Variants in LIPK observed in about 807,000 individuals in gnomAD.
The protein encoded by LIPK is lipase member K.
LIPK carries 32 observed loss-of-function variants against 48.6 expected under a neutral mutation model. That is an observed-to-expected ratio of 0.66 (90% CI 0.50 to 0.88). The LOEUF (loss-of-function observed/expected upper bound fraction) is 0.88. Ranked by LOEUF, LIPK falls within the 40% of genes least tolerant of loss-of-function variation. The pLI, the probability that LIPK is intolerant of heterozygous loss-of-function variation, is 0.00. For synonymous variants in LIPK, 164 were observed against 157.4 expected, an observed-to-expected ratio of 1.04 and a Z score of -0.32; for missense variants, 507 against 478.5, an observed-to-expected ratio of 1.06 and a Z score of -0.56.
Position 88,731,163 on chromosome 10 carries a change from C to T in LIPK, c.404C>T (p.Pro135Leu), listed in dbSNP as rs762625179. The T allele has an allele frequency of 1.5e-5, 23 of 1,577,028 alleles. No individual in the cohort carries two copies. Among genetic ancestry groups the T allele is most frequent in the East Asian group, 9.1e-5 (4 of 43,970 alleles). Residue 135 changes from proline (P) to leucine (L), a missense_variant, in exon 4 of 10, where the codon CCG becomes CTG. Pro to Leu is a moderately conservative substitution (Grantham distance 98). Coordinates refer to ENST00000404190, the MANE Select transcript of LIPK (RefSeq NM_001080518.2). ...CACCTTAAATTGTCACCGAAATCAC[C>T]GGAATACTGGGCCTTCAGGTAAAGA... is the stretch of plus-strand genomic sequence containing the variant. ...RKHLKLSPKS[P>L]EYWAFSLDEM...
At position 88,732,482 on chromosome 10, in the gene LIPK, A is replaced by T; in HGVS notation, c.600A>T (p.Pro200=). The change falls in exon 6 of 10, where the codon CCA becomes CCT. Residue 200 remains proline (P), a synonymous_variant. Coordinates refer to ENST00000404190, the MANE Select transcript of LIPK (RefSeq NM_001080518.2). ...KKIKIFFALA[P]VVTVKYTQSP... is the part of the protein sequence containing the mutation. Reference sequence around the variant, plus strand: ...TTAAGATATTTTTTGCACTGGCTCCAGTTGTCACAGTTAAATACACCCAAA... The same window carrying T: ...TTAAGATATTTTTTGCACTGGCTCCTGTTGTCACAGTTAAATACACCCAAA... The T allele has an allele frequency of 6.2e-7, 1 of 1,613,836 alleles. No individual in the cohort carries two copies. Among genetic ancestry groups the T allele is most frequent in the Non-Finnish European group, 8.5e-7 (1 of 1,179,790 alleles).
rs73350791 is a variant in LIPK at position 88,716,058 on chromosome 10, T to C, written c.-11-8475T>C. 7.0e-3 allele frequency among the ~76,000 whole-genome samples: 1,065 copies of C among 152,210 alleles called. 9 individuals carry two copies. Among genetic ancestry groups the C allele is most frequent in the Middle Eastern group, 0.024 (7 of 294 alleles). On this transcript the variant is annotated intron_variant, in intron 1 of 9. Coordinates refer to ENST00000404190, the MANE Select transcript of LIPK (RefSeq NM_001080518.2). ...TGGTTTCTCAAATGGATATTTAATATGATAAAATGATTTTGTAAAAATTAA... is the reference window on the plus strand; with the variant it reads ...TGGTTTCTCAAATGGATATTTAATACGATAAAATGATTTTGTAAAAATTAA...
intron 1 of LIPK, among the ~76,000 whole-genome samples, chr10:88,723,847 C>T (rs763577402): frequency 4.7e-4 from 71 of 151,664 alleles, no homozygotes; most frequent in South Asian, 1.2e-3. Context: ...CTGTTTTTCC[C>T]TACGTATTAT....
intron 9 of LIPK, among the ~76,000 whole-genome samples, chr10:88,745,456 G>A (rs1255164097): frequency 6.6e-6 from 1 of 152,184 alleles, no homozygotes; most frequent in Non-Finnish European, 1.5e-5. Flanking sequence ...CTACAAGCCA[G>A]AAGAGATTAC....
chr10:88,709,809 C>T (rs1590126387), intron 1 of LIPK, among the ~76,000 whole-genome samples: 1 of 151,964 alleles, frequency 6.6e-6, no homozygotes, highest in South Asian at 2.1e-4. Flanking sequence ...CAATTCACAT[C>T]GTAAGATTCA....
At chr10:88,714,300 A>T (rs189925529) in intron 1 of LIPK, among the ~76,000 whole-genome samples, 50 of 152,290 alleles carry the variant, frequency 3.3e-4, no homozygotes, top group African/African-American at 1.1e-3. Context: ...ATCATTTTAA[A>T]CTATTTGCTC....
At chr10:88,708,604 T>C (rs988185012) in intron 1 of LIPK, among the ~76,000 whole-genome samples, 1 of 152,084 alleles carries the variant, frequency 6.6e-6, no homozygotes, top group Non-Finnish European at 1.5e-5. Flanking sequence ...AGGTGCACTT[T>C]ATGGCACATT....
intron 3 of LIPK, chr10:88,728,795 G>T: frequency 1.1e-5 from 2 of 189,020 alleles, no homozygotes; most frequent in South Asian, 1.6e-4. Context: ...GTCCAGCTTT[G>T]ACTGTGGCGG....
intron 8 of LIPK, among the ~76,000 whole-genome samples, chr10:88,740,674 G>C (rs1842663242): frequency 6.6e-6 from 1 of 152,134 alleles, no homozygotes; most frequent in Admixed American, 6.5e-5. Flanking sequence ...ACATTCATTT[G>C]TTTATTATGT....
chr10:88,727,790 G>GTGAA, intron 3 of LIPK: 1 of 305,688 alleles, frequency 3.3e-6, no homozygotes, highest in Non-Finnish European at 6.5e-6. Flanking sequence ...CATCCATGCT[G>GTGAA]TGAACACCCA....
At chr10:88,726,769 G>T in intron 2 of LIPK, 26 bp from the exon 3 acceptor site, 2 of 1,016,344 alleles carry the variant, frequency 2.0e-6, no homozygotes, top group Non-Finnish European at 3.1e-6. Context: ...TAACATGAAG[G>T]TATATATTTC....
At chr10:88,721,355 A>G (rs1250190843) in intron 1 of LIPK, among the ~76,000 whole-genome samples, 1 of 152,218 alleles carries the variant, frequency 6.6e-6, no homozygotes, top group South Asian at 2.1e-4. Context: ...TTAATGCTAT[A>G]AAGCTTGGAT....
rs1456270552 is a variant in LIPK at position 88,731,147 on chromosome 10, T to C, written c.388T>C (p.Leu130=). The change falls in exon 4 of 10, where the codon TTG becomes CTG. Residue 130 remains leucine, a synonymous_variant. Transcript: ENST00000404190. ...CACTTGGTCCAGAAAACACCTTAAA[T>C]TGTCACCGAAATCACCGGAATACTG... The part of the protein sequence containing the change: ...GNTWSRKHLK[L]SPKSPEYWAF... The C allele has an allele frequency of 1.3e-6, 2 of 1,589,624 alleles. No homozygotes were observed. The highest frequency in any genetic ancestry group is 3.7e-5 in the Admixed American group (2 of 53,970).
chr10:88,730,961 T>C (rs1394440468), intron 3 of LIPK, 22 bp from the exon 4 acceptor site: 2 of 1,532,174 alleles, frequency 1.3e-6, no homozygotes, highest in Non-Finnish European at 8.8e-7. Context: ...AATATGAAAT[T>C]CTTGTTGCCT....
chr10:88,740,510 G>A (rs1180531217), intron 8 of LIPK, among the ~76,000 whole-genome samples: 5 of 152,124 alleles, frequency 3.3e-5, no homozygotes, highest in African/African-American at 1.2e-4. Flanking sequence ...TGGATTTATG[G>A]CTTATGTTTT....
At chr10:88,722,059 A>G (rs1842235313) in intron 1 of LIPK, among the ~76,000 whole-genome samples, 1 of 152,166 alleles carries the variant, frequency 6.6e-6, no homozygotes, top group South Asian at 2.1e-4. Context: ...GCACTTTGGG[A>G]GGCCAAGGTG....
chr10:88,749,533 T>C (rs529461916), intron 9 of LIPK, among the ~76,000 whole-genome samples: 4 of 152,222 alleles, frequency 2.6e-5, no homozygotes, highest in East Asian at 1.9e-4. Context: ...TATTCAATAA[T>C]TGGTGCTGAG....
At chr10:88,732,641 C>T (rs1487741577) in intron 6 of LIPK, 90 bp downstream of exon 6, 2 of 1,329,282 alleles carry the variant, frequency 1.5e-6, no homozygotes, top group Non-Finnish European at 2.1e-6. Context: ...ATTTTACAAA[C>T]TTCTGAGAAA....
intron 1 of LIPK, among the ~76,000 whole-genome samples, chr10:88,722,625 G>A (rs1257645082): frequency 6.6e-6 from 1 of 152,080 alleles, no homozygotes; most frequent in Non-Finnish European, 1.5e-5. Flanking sequence ...TGTGGTCTAT[G>A]GGCCATACTT....
Sources: allele counts gnomAD v4.1 joint callset (sites outside exome capture counted in the v4.1 genomes callset), GRCh38; gene constraint gnomAD v4.1.1; transcripts MANE v1.5; gene names NCBI Gene and HGNC (gene_info 2026-07-23, HGNC 2026-07-21).